OR9Q1: variants seen among roughly 807,000 people sequenced by gnomAD.
OR9Q1 encodes the protein olfactory receptor 9Q1.
For missense variants in OR9Q1, 374 were observed against 378.8 expected (o/e 0.99, Z 0.11); for synonymous variants, 153 against 148.6 (o/e 1.03, Z -0.22).
chr11:58,053,070 ACCATTT>A (rs1223905185), intron 1 of OR9Q1, among the ~76,000 whole-genome samples: 3 of 151,704 alleles, frequency 2.0e-5, no homozygotes, highest in Non-Finnish European at 4.4e-5. Context: ...AACTAGAAAT[ACCATTT>A]GACCCAGCTA....
intron 2 of OR9Q1, among the ~76,000 whole-genome samples, chr11:58,170,589 A>T (rs1302864636): frequency 1.3e-5 from 2 of 152,096 alleles, no homozygotes; most frequent in African/African-American, 2.4e-5. Flanking sequence ...TAGCTTCCAT[A>T]ATTCCCATGT....
At chr11:58,127,932 A>C (rs10501371) in intron 2 of OR9Q1, among the ~76,000 whole-genome samples, 8,718 of 152,228 alleles carry the variant, frequency 0.057, 354 homozygotes, top group Middle Eastern at 0.11. Flanking sequence ...ATCCAGATAA[A>C]GTGTTTTTGG....
intron 1 of OR9Q1, among the ~76,000 whole-genome samples, chr11:58,027,187 T>A (rs1350605956): frequency 6.6e-6 from 1 of 152,180 alleles, no homozygotes; most frequent in African/African-American, 2.4e-5. Flanking sequence ...AACCAAACCC[T>A]GGGTATCAGT....
intron 2 of OR9Q1, chr11:58,145,417 C>T (rs1257874264): frequency 6.6e-6 from 1 of 152,210 alleles, no homozygotes; most frequent in Non-Finnish European, 1.5e-5. Context: ...GTTTCCCAAG[C>T]AGAGTAACTC....
At chr11:58,035,909 T>G (rs1340880665) in intron 1 of OR9Q1, among the ~76,000 whole-genome samples, 1 of 151,912 alleles carries the variant, frequency 6.6e-6, no homozygotes, top group Admixed American at 6.6e-5. Context: ...TACTTTATTT[T>G]ATTATGTTTT....
intron 2 of OR9Q1, among the ~76,000 whole-genome samples, chr11:58,146,775 A>C (rs1854302958): frequency 6.6e-6 from 1 of 152,168 alleles, no homozygotes; most frequent in South Asian, 2.1e-4. Flanking sequence ...AGACTCTTCT[A>C]GACAGAAAGA....
intron 2 of OR9Q1, among the ~76,000 whole-genome samples, chr11:58,103,718 C>G (rs1853813139): frequency 6.6e-6 from 1 of 152,178 alleles, no homozygotes; most frequent in African/African-American, 2.4e-5. Context: ...GAATAGTCAC[C>G]TCTTTCAATT....
intron 1 of OR9Q1, among the ~76,000 whole-genome samples, chr11:58,024,399 A>G (rs1852950284): frequency 6.6e-6 from 1 of 151,910 alleles, no homozygotes; most frequent in African/African-American, 2.4e-5. Flanking sequence ...TTTATTTTCC[A>G]GTTCCTTTCA....
At chr11:58,098,952 A>T (rs968486419) in intron 2 of OR9Q1, among the ~76,000 whole-genome samples, 3 of 152,088 alleles carry the variant, frequency 2.0e-5, no homozygotes, top group Non-Finnish European at 4.4e-5. Flanking sequence ...TTATTCATCC[A>T]TGCATGAGTT....
chr11:58,181,011 G>A lies in OR9Q1; in HGVS notation c.*634G>A, dbSNP rs1360906365. 6.0e-6 allele frequency: 1 copy of A among 166,950 alleles called. No homozygotes were observed. Among genetic ancestry groups the A allele is most frequent in the Non-Finnish European group, 1.5e-5 (1 of 68,104 alleles). The allele number at this position is 166,950 out of a possible 1,614,324, so 10.3% of individuals were successfully genotyped here. A position where few individuals can be genotyped will look rare whatever the true frequency, so the allele number is the denominator to read the frequency against. On this transcript the variant is annotated 3_prime_UTR_variant, in exon 3 of 3. Transcript: ENST00000335397. Reference sequence around the variant, plus strand: ...GTCGTTTGATGATCCAATTAGCAAAGCTGACCCTACTCAAGGTATGCCTTA... The same window carrying A: ...GTCGTTTGATGATCCAATTAGCAAAACTGACCCTACTCAAGGTATGCCTTA...
At chr11:58,031,124 C>A in intron 1 of OR9Q1, 1 of 1,614,230 alleles carries the variant, frequency 6.2e-7, no homozygotes, top group Non-Finnish European at 8.5e-7. Flanking sequence ...CCACCGACTA[C>A]GGAGACCCAT....
At chr11:58,044,233 T>G (rs1308744976) in intron 1 of OR9Q1, 1 of 152,228 alleles carries the variant, frequency 6.6e-6, no homozygotes, top group Non-Finnish European at 1.5e-5. Flanking sequence ...GGAATTTCCT[T>G]GATGTGGACA....
intron 2 of OR9Q1, among the ~76,000 whole-genome samples, chr11:58,084,099 G>T (rs74598859): frequency 0.072 from 10,980 of 151,842 alleles, 617 homozygotes; most frequent in Non-Finnish European, 0.11. Context: ...AGCATAGAAT[G>T]TTTTTCCATT....
chr11:58,177,377 T>C (rs1444546221), intron 2 of OR9Q1, among the ~76,000 whole-genome samples: 2 of 152,244 alleles, frequency 1.3e-5, no homozygotes, highest in Non-Finnish European at 2.9e-5. Flanking sequence ...CTGTGCAGCC[T>C]TGGGAATGAT....
At chr11:58,053,866 ATCC>A (rs1853300728) in intron 1 of OR9Q1, among the ~76,000 whole-genome samples, 1 of 151,718 alleles carries the variant, frequency 6.6e-6, no homozygotes. Context: ...TTCATCCTCC[ATCC>A]CCCATCCCAA....
intron 1 of OR9Q1, among the ~76,000 whole-genome samples, chr11:58,053,085 T>C (rs36169149): frequency 4.0e-5 from 6 of 151,634 alleles, no homozygotes; most frequent in Admixed American, 6.6e-5. Flanking sequence ...TTGACCCAGC[T>C]ATCCCATTAC....
rs1344420593 is a variant in OR9Q1 at position 58,180,921 on chromosome 11, C to T, written c.*544C>T. On this transcript the variant is annotated 3_prime_UTR_variant, in exon 3 of 3. Transcript: ENST00000335397. ...TAGTACCCTTTACTTCTATGCACTT[C>T]AGAATTATATCATCAATTAGGATTC... 6.0e-6 allele frequency: 1 copy of T among 166,896 alleles called. No homozygotes were observed. Among genetic ancestry groups the T allele is most frequent in the Admixed American group, 6.5e-5 (1 of 15,278 alleles). The allele number at this position is 166,896 out of a possible 1,614,324, so 10.3% of individuals were successfully genotyped here. A position where few individuals can be genotyped will look rare whatever the true frequency, so the allele number is the denominator to read the frequency against.
chr11:58,064,464 G>C (rs1049706635), intron 2 of OR9Q1, among the ~76,000 whole-genome samples: 2 of 152,174 alleles, frequency 1.3e-5, no homozygotes, highest in Non-Finnish European at 2.9e-5. Context: ...GAGGGACTCT[G>C]TAGATGGAGA....
chr11:58,102,916 G>T (rs2441968), intron 2 of OR9Q1, among the ~76,000 whole-genome samples: 19,919 of 151,674 alleles, frequency 0.13, 2,108 homozygotes, highest in African/African-American at 0.25. Flanking sequence ...TCACTTAGCG[G>T]TGTCCCATAA....
Sources: allele counts gnomAD v4.1 joint callset (sites outside exome capture counted in the v4.1 genomes callset), GRCh38; gene constraint gnomAD v4.1.1; transcripts MANE v1.5; gene names NCBI Gene and HGNC (gene_info 2026-07-23, HGNC 2026-07-21).